PDE4B: variants seen among roughly 807,000 people sequenced by gnomAD.
The protein encoded by PDE4B is phosphodiesterase 4B.
Under a neutral mutation model 82.2 loss-of-function variants are expected in PDE4B, and 20 were observed. That is an observed-to-expected ratio of 0.24 (90% confidence interval 0.17 to 0.35). The LOEUF (loss-of-function observed/expected upper bound fraction) is 0.35, where lower values mean the gene tolerates loss of function less well. PDE4B is among the 10% of genes least tolerant of loss of function. The pLI is 1.00. For synonymous variants in PDE4B, 320 were observed against 318.9 expected (o/e 1.00, Z -0.04); for missense variants, 655 against 907.2 (o/e 0.72, Z 3.57).
intron 1 of PDE4B, among the ~76,000 whole-genome samples, chr1:65,848,870 A>G (rs1216635730): frequency 6.6e-6 from 1 of 152,128 alleles, no homozygotes; most frequent in Non-Finnish European, 1.5e-5. Flanking sequence ...CTTATTGTGG[A>G]TGGAAGGAAG....
At chr1:66,183,506 T>C (rs1431907200) in intron 3 of PDE4B, among the ~76,000 whole-genome samples, 1 of 152,168 alleles carries the variant, frequency 6.6e-6, no homozygotes, top group African/African-American at 2.4e-5. Context: ...GAAGGACTCA[T>C]AATAACTGAG....
At chr1:66,106,254 A>G (rs903352138) in intron 3 of PDE4B, among the ~76,000 whole-genome samples, 3 of 151,828 alleles carry the variant, frequency 2.0e-5, no homozygotes, top group African/African-American at 7.3e-5. Context: ...TGATTTGTGT[A>G]TATTGAACCA....
At chr1:66,080,498 T>A (rs1310482762) in intron 3 of PDE4B, among the ~76,000 whole-genome samples, 1 of 152,096 alleles carries the variant, frequency 6.6e-6, no homozygotes, top group Non-Finnish European at 1.5e-5. Context: ...ATTGAAAACA[T>A]TAGCAAAGGT....
chr1:66,330,769 C>A, intron 7 of PDE4B: 2 of 985,266 alleles, frequency 2.0e-6, no homozygotes, highest in South Asian at 9.4e-5. Flanking sequence ...TTCGGACACA[C>A]TAGAGAGTAA....
chr1:65,919,333 G>A (rs936470940), intron 3 of PDE4B, among the ~76,000 whole-genome samples: 5 of 152,122 alleles, frequency 3.3e-5, no homozygotes, highest in South Asian at 2.1e-4. Context: ...TGAAAATTGC[G>A]CTATGAGAGA....
intron 3 of PDE4B, among the ~76,000 whole-genome samples, chr1:66,165,973 A>G (rs1646723375): frequency 6.6e-6 from 1 of 151,910 alleles, no homozygotes; most frequent in Non-Finnish European, 1.5e-5. Context: ...AAGAAATTGG[A>G]GGATTCACAC....
chr1:66,281,041 G>T (rs575150458), intron 7 of PDE4B, among the ~76,000 whole-genome samples: 4 of 152,260 alleles, frequency 2.6e-5, no homozygotes, highest in African/African-American at 9.6e-5. Flanking sequence ...GGGTATCTAT[G>T]CTTATGGACT....
intron 3 of PDE4B, among the ~76,000 whole-genome samples, chr1:65,946,643 G>A (rs1258410671): frequency 2.0e-5 from 3 of 151,964 alleles, no homozygotes; most frequent in African/African-American, 4.8e-5. Context: ...TACTGTAGAT[G>A]TCATAGCCTT....
intron 3 of PDE4B, among the ~76,000 whole-genome samples, chr1:66,208,784 A>G (rs1649778818): frequency 6.6e-6 from 1 of 152,226 alleles, no homozygotes; most frequent in African/African-American, 2.4e-5. Context: ...CAAAAAATAT[A>G]TTGATTTATT....
At chr1:65,825,994 A>G (rs770857101) in intron 1 of PDE4B, among the ~76,000 whole-genome samples, 2 of 152,214 alleles carry the variant, frequency 1.3e-5, no homozygotes, top group Non-Finnish European at 2.9e-5. Context: ...CTGGACTAAC[A>G]TAAGATATTC....
In PDE4B at chr1:66,107,864, A is replaced by G. The variant is rs1420496794; in HGVS notation, c.282-139596A>G. On this transcript the variant is annotated intron_variant, in intron 3 of 16. Transcript: ENST00000341517. ...TTGTAGCCTTATTGATGCCAAGTATATGTCAATATAAAACAACAGCAACAA... is the reference window on the plus strand; with the variant it reads ...TTGTAGCCTTATTGATGCCAAGTATGTGTCAATATAAAACAACAGCAACAA... Among the ~76,000 whole-genome samples, 88 of 152,022 alleles carry G rather than the reference A, an allele frequency of 5.8e-4. 1 individual carries two copies. The highest frequency in any genetic ancestry group is 5.7e-3 in the Admixed American group (87 of 15,214).
At chr1:66,332,372 G>A in intron 7 of PDE4B, 136 bp from the exon 8 acceptor site, 1 of 1,612,630 alleles carries the variant, frequency 6.2e-7, no homozygotes, top group Non-Finnish European at 8.5e-7. Flanking sequence ...CTGGAAGGAA[G>A]GAGCCAGCGT....
At chr1:66,179,053 T>C (rs1021187121) in intron 3 of PDE4B, among the ~76,000 whole-genome samples, 2 of 152,154 alleles carry the variant, frequency 1.3e-5, no homozygotes, top group Non-Finnish European at 2.9e-5. Flanking sequence ...GGTTTCACCA[T>C]GTTGGCCAGG....
chr1:66,347,414 C>T (rs1000164445), intron 8 of PDE4B, among the ~76,000 whole-genome samples: 30 of 152,146 alleles, frequency 2.0e-4, no homozygotes, highest in Admixed American at 1.8e-3. Context: ...GTGTGCAAAC[C>T]TCCAACCTGT....
At chr1:66,371,080 ACACACACATCATAC>A (rs2050746972) in intron 16 of PDE4B, among the ~76,000 whole-genome samples, 1 of 131,766 alleles carries the variant, frequency 7.6e-6, no homozygotes, top group African/African-American at 2.8e-5. Context: ...ATATATATAT[ACACACACATCATAC>A]TATATATATA....
intron 3 of PDE4B, among the ~76,000 whole-genome samples, chr1:65,953,875 GAATAA>G (rs1649125964): frequency 6.6e-6 from 1 of 151,878 alleles, no homozygotes; most frequent in African/African-American, 2.4e-5. Flanking sequence ...ATAAAATAAA[GAATAA>G]AATAAAGATA....
intron 2 of PDE4B, among the ~76,000 whole-genome samples, chr1:65,914,406 C>G (rs1182035965): frequency 6.6e-6 from 1 of 151,586 alleles, no homozygotes; most frequent in Non-Finnish European, 1.5e-5. Flanking sequence ...TTTTTTGTGT[C>G]AAAGAATCTA....
chr1:66,082,089 A>T (rs1280956152), intron 3 of PDE4B, among the ~76,000 whole-genome samples: 1 of 152,048 alleles, frequency 6.6e-6, no homozygotes, highest in Non-Finnish European at 1.5e-5. Context: ...AAATCAGAGG[A>T]GCATTAAAAC....
chr1:66,274,451 G>A (rs1209471611), intron 7 of PDE4B, among the ~76,000 whole-genome samples: 1 of 151,980 alleles, frequency 6.6e-6, no homozygotes, highest in Non-Finnish European at 1.5e-5. Context: ...GGGATTACAG[G>A]CATGAGCCAC....
Sources: gnomAD v4.1 joint callset for allele counts (sites outside exome capture counted in the v4.1 genomes callset) on GRCh38, gnomAD v4.1.1 for gene constraint, MANE v1.5 for transcripts, NCBI Gene and HGNC (gene_info 2026-07-23, HGNC 2026-07-21) for gene names.